DIAPH3: variants seen among roughly 807,000 people sequenced by gnomAD.
DIAPH3 encodes the protein protein diaphanous homolog 3.
Under a neutral mutation model 144.3 loss-of-function variants are expected in DIAPH3, and 117 were observed. The observed-to-expected ratio is 0.81, with a 90% CI of 0.70 to 0.95. The LOEUF is 0.95. Among genes scored for constraint, DIAPH3 ranks in the 40% least tolerant of loss-of-function variants. DIAPH3 has a pLI of 0.00. For missense variants in DIAPH3, 1,421 were observed against 1,412.7 expected, an observed-to-expected ratio of 1.01 and a Z score of -0.09; for synonymous variants, 519 against 488.9, an observed-to-expected ratio of 1.06 and a Z score of -0.81.
At chr13:59,920,278 C>T (rs2047442638) in intron 18 of DIAPH3, among the ~76,000 whole-genome samples, 1 of 151,756 alleles carries the variant, frequency 6.6e-6, no homozygotes, top group Admixed American at 6.6e-5. Context: ...CAAAACAAAA[C>T]TACAACTATA....
intron 1 of DIAPH3, among the ~76,000 whole-genome samples, chr13:60,155,959 C>T (rs1952006746): frequency 6.6e-6 from 1 of 152,176 alleles, no homozygotes; most frequent in South Asian, 2.1e-4. Context: ...GATGGTCCTC[C>T]TTGTAACTAT....
At chr13:60,149,048 T>C (rs1259042658) in intron 1 of DIAPH3, among the ~76,000 whole-genome samples, 1 of 152,130 alleles carries the variant, frequency 6.6e-6, no homozygotes, top group Non-Finnish European at 1.5e-5. Context: ...AAGCAGAGCA[T>C]GGTATTCAGA....
At position 59,812,258 on chromosome 13, in the gene DIAPH3, ATCCATCCAT is replaced by A. The variant is rs1299985513; in HGVS notation, c.3028-1344_3028-1336del. On this transcript the variant is annotated intron_variant, in intron 24 of 27. Transcript: ENST00000400324. Reference sequence around the variant, plus strand: ...AACTCATGCATGCATGCATCCATCCATCCATCCATCCATCCATCCATCCATCCATCCATC... The same window carrying A: ...AACTCATGCATGCATGCATCCATCCACCATCCATCCATCCATCCATCCATC... Among the ~76,000 whole-genome samples, 7 of 21,018 alleles carry A rather than the reference ATCCATCCAT, an allele frequency of 3.3e-4. No homozygotes were observed. In the Admixed American group the frequency reaches 5.7e-3, roughly 17 times the overall value. 13.8% of individuals were successfully genotyped at this position (21,018 alleles called of 152,430 possible).
chr13:60,101,882 A>G (rs1443950947), intron 3 of DIAPH3, among the ~76,000 whole-genome samples: 3 of 152,078 alleles, frequency 2.0e-5, no homozygotes, highest in Non-Finnish European at 2.9e-5. Flanking sequence ...TTTTCTTCCA[A>G]TGCAGGCCAC....
intron 27 of DIAPH3, among the ~76,000 whole-genome samples, chr13:59,726,992 A>G (rs1411128041): frequency 6.6e-6 from 1 of 152,204 alleles, no homozygotes; most frequent in African/African-American, 2.4e-5. Flanking sequence ...CTTTATAGAT[A>G]TTAAAAAACT....
At chr13:59,990,225 C>T (rs2051723408) in intron 12 of DIAPH3, among the ~76,000 whole-genome samples, 1 of 151,766 alleles carries the variant, frequency 6.6e-6, no homozygotes, top group Admixed American at 6.6e-5. Flanking sequence ...GTCCTATCCT[C>T]ATCCTGAAAA....
chr13:59,974,393 T>C lies in DIAPH3; in HGVS notation c.1609A>G (p.Ile537Val). 1.2e-6 allele frequency: 2 copies of C among 1,612,744 alleles called. No homozygotes were observed. The highest frequency in any genetic ancestry group is 2.2e-5 in the South Asian group (2 of 91,046). Residue 537 changes from isoleucine to valine, a missense_variant, in exon 15 of 28, where the codon ATT becomes GTT. Physicochemically the swap from Ile to Val is conservative, Grantham distance 29. Coordinates refer to ENST00000400324, the MANE Select transcript of DIAPH3 (RefSeq NM_001042517.2). ...TGTAGCTCTGCTTGAAGCTCATTAA[T>C]CTTTGCCTCTTTTTTCTGCAATTCA... ...QAELQKKEAK[I>V]NELQAELQAF...
intron 22 of DIAPH3, among the ~76,000 whole-genome samples, chr13:59,839,804 T>C (rs1479538905): frequency 6.6e-6 from 1 of 152,184 alleles, no homozygotes. Flanking sequence ...GATTTAAATA[T>C]AATTTGAACA....
chr13:59,987,785 A>T (rs1380016601), intron 12 of DIAPH3, among the ~76,000 whole-genome samples: 1 of 151,034 alleles, frequency 6.6e-6, no homozygotes, highest in Non-Finnish European at 1.5e-5. Flanking sequence ...TTAAAGAGAA[A>T]ACTGGAACAA....
At position 60,163,903 on chromosome 13, in the gene DIAPH3, A is replaced by G; in HGVS notation, c.-137T>C. ...TCAGCACAGCCTAGCCCAACCGCTG[A>G]AGTCGGGGCCGCAGCCAACACATCT... is the stretch of plus-strand genomic sequence containing the variant. On this transcript the variant is annotated 5_prime_UTR_variant, in exon 1 of 28. Transcript: ENST00000400324. 1.7e-6 allele frequency: 2 copies of G among 1,143,406 alleles called. No individual in the cohort carries two copies. Among genetic ancestry groups the G allele is most frequent in the Non-Finnish European group, 2.4e-6 (2 of 830,744 alleles). The allele number at this position is 1,143,406 out of a possible 1,614,324, so 70.8% of individuals were successfully genotyped here. A position where few individuals can be genotyped will look rare whatever the true frequency, so the allele number is the denominator to read the frequency against.
intron 21 of DIAPH3, among the ~76,000 whole-genome samples, chr13:59,873,618 T>C (rs2044413727): frequency 6.6e-6 from 1 of 151,966 alleles, no homozygotes; most frequent in African/African-American, 2.4e-5. Flanking sequence ...TTCAGAGTAA[T>C]GTTTAGCTTG....
At chr13:59,727,309 T>C (rs1384361222) in intron 27 of DIAPH3, among the ~76,000 whole-genome samples, 1 of 150,706 alleles carries the variant, frequency 6.6e-6, no homozygotes, top group Non-Finnish European at 1.5e-5. Flanking sequence ...AAAACAATTG[T>C]TTGTTATTCA....
chr13:60,129,293 G>C (rs919890553), intron 2 of DIAPH3, among the ~76,000 whole-genome samples: 1 of 152,094 alleles, frequency 6.6e-6, no homozygotes, highest in Non-Finnish European at 1.5e-5. Flanking sequence ...TATAAGCAAT[G>C]GAAGTTATAA....
At chr13:59,921,705 A>C (rs2047527825) in intron 18 of DIAPH3, among the ~76,000 whole-genome samples, 1 of 152,076 alleles carries the variant, frequency 6.6e-6, no homozygotes, top group Admixed American at 6.6e-5. Flanking sequence ...AAAATCAAAG[A>C]GTAGAGAATA....
intron 25 of DIAPH3, among the ~76,000 whole-genome samples, chr13:59,799,553 G>A (rs2039796610): frequency 6.6e-6 from 1 of 152,126 alleles, no homozygotes; most frequent in Admixed American, 6.5e-5. Context: ...TTCCCCGTTT[G>A]TTACCAAAAG....
intron 17 of DIAPH3, among the ~76,000 whole-genome samples, chr13:59,953,950 G>A (rs1458299823): frequency 6.6e-6 from 1 of 152,120 alleles, no homozygotes; most frequent in African/African-American, 2.4e-5. Flanking sequence ...AAAGGCTATC[G>A]CTGTTTCTAA....
At chr13:59,758,238 A>T (rs1382041100) in intron 27 of DIAPH3, among the ~76,000 whole-genome samples, 1 of 152,220 alleles carries the variant, frequency 6.6e-6, no homozygotes, top group Admixed American at 6.5e-5. Flanking sequence ...GAAGCAAAAG[A>T]CATACATAAT....
intron 20 of DIAPH3, among the ~76,000 whole-genome samples, chr13:59,885,065 C>T (rs2140091167): frequency 6.6e-6 from 1 of 152,198 alleles, no homozygotes; most frequent in South Asian, 2.1e-4. Flanking sequence ...ACTGCTGCAC[C>T]TTTGTTTATA....
chr13:60,157,363 A>C (rs1223366846), intron 1 of DIAPH3, among the ~76,000 whole-genome samples: 1 of 152,192 alleles, frequency 6.6e-6, no homozygotes, highest in African/African-American at 2.4e-5. Flanking sequence ...ACTATGGCCA[A>C]AGGCAAAAAA....
Sources: gnomAD v4.1 joint callset for allele counts (sites outside exome capture counted in the v4.1 genomes callset) on GRCh38, gnomAD v4.1.1 for gene constraint, MANE v1.5 for transcripts, NCBI Gene and HGNC (gene_info 2026-07-23, HGNC 2026-07-21) for gene names.